PHYH: variants seen among roughly 807,000 people sequenced by gnomAD.
The protein encoded by PHYH is phytanoyl-CoA dioxygenase, peroxisomal.
PHYH carries 32 observed loss-of-function variants against 38.5 expected under a neutral mutation model. The observed-to-expected ratio is 0.83, with a 90% CI of 0.63 to 1.12. PHYH has a LOEUF of 1.12. Ranked by LOEUF, PHYH falls within the 50% of genes most tolerant of loss-of-function variation. The probability of loss-of-function intolerance (pLI) is 0.00; values close to 1 mark genes in which losing one functional copy is unlikely to be tolerated. For synonymous variants in PHYH, 166 were observed against 157.9 expected, an observed-to-expected ratio of 1.05 and a Z score of -0.38; for missense variants, 426 against 434.8, an observed-to-expected ratio of 0.98 and a Z score of 0.18.
At position 13,281,036 on chromosome 10, in the gene PHYH, C is replaced by T; in HGVS notation, c.903G>A (p.Glu301=). ...TATGTGCTATTCCTACAACTTCCTTCTCGATGTTTTCTTGACTGGTGCCCT... is the reference window on the plus strand; with the variant it reads ...TATGTGCTATTCCTACAACTTCCTTTTCGATGTTTTCTTGACTGGTGCCCT... ...DVKGTSQENI[E]KEVVGIAHKF... The change falls in exon 8 of 9, where the codon GAG becomes GAA. Residue 301 remains glutamate, a synonymous_variant. Coordinates refer to ENST00000263038, the MANE Select transcript of PHYH (RefSeq NM_006214.4). The T allele has an allele frequency of 6.2e-7, 1 of 1,614,082 alleles. No homozygotes were observed. The highest frequency in any genetic ancestry group is 1.3e-5 in the African/African-American group (1 of 75,066).
chr10:13,280,525 T>C (rs1190700579), intron 8 of PHYH, among the ~76,000 whole-genome samples: 1 of 152,150 alleles, frequency 6.6e-6, no homozygotes, highest in Non-Finnish European at 1.5e-5. Context: ...ATTTCTTTTT[T>C]AGTAGAGATG....
In PHYH at chr10:13,277,999, G is replaced by A. The variant is rs1835327714; in HGVS notation, c.*302C>T. ...AATCATTCACTTCTTCTTGGGTAAA[G>A]AGCTAACTGAATGAAAGAAATTGAT... is the stretch of plus-strand genomic sequence containing the variant. On this transcript the variant is annotated 3_prime_UTR_variant, in exon 9 of 9. Coordinates refer to ENST00000263038, the MANE Select transcript of PHYH (RefSeq NM_006214.4). 2.6e-6 allele frequency: 1 copy of A among 387,644 alleles called. No homozygotes were observed. The highest frequency in any genetic ancestry group is 4.9e-6 in the Non-Finnish European group (1 of 205,328). The allele number at this position is 387,644 out of a possible 1,614,324, so 24.0% of individuals were successfully genotyped here.
At chr10:13,278,494 T>G (rs1375421422) in intron 8 of PHYH, 140 bp from the exon 9 acceptor site, 5 of 698,362 alleles carry the variant, frequency 7.2e-6, no homozygotes, top group Non-Finnish European at 1.3e-5. Context: ...GTAAGTTATA[T>G]TCATTAGTAA....
chr10:13,280,987 C>T lies in PHYH; in HGVS notation c.952G>A (p.Val318Met), dbSNP rs148951882. The T allele has an allele frequency of 1.3e-5, 21 of 1,613,970 alleles. No individual in the cohort carries two copies. The highest frequency in any genetic ancestry group is 1.0e-4 in the Admixed American group (6 of 60,004). Reference sequence around the variant, plus strand: ...GTATACAAACATACCTTCAAGTTCACGCTATTTTCAGCTCCAAAGAATTTA... The same window carrying T: ...GTATACAAACATACCTTCAAGTTCATGCTATTTTCAGCTCCAAAGAATTTA... Reference protein sequence around the residue: ...AHKFFGAENSVNLKDIWMFRA... With the variant: ...AHKFFGAENSMNLKDIWMFRA... The change falls in exon 8 of 9, where the codon GTG becomes ATG. Residue 318 changes from valine to methionine, a missense_variant. Physicochemically the swap from Val to Met is conservative, Grantham distance 21 (BLOSUM62 1). Transcript: ENST00000263038.
intron 8 of PHYH, 141 bp from the exon 9 acceptor site, chr10:13,278,495 T>A: frequency 1.4e-6 from 1 of 695,626 alleles, no homozygotes; most frequent in Non-Finnish European, 2.6e-6. Context: ...TAAGTTATAT[T>A]CATTAGTAAA....
chr10:13,299,383 C>T (rs1282686850), intron 1 of PHYH: 4 of 979,368 alleles, frequency 4.1e-6, no homozygotes, highest in Non-Finnish European at 4.9e-6. Flanking sequence ...AGAGCCGAGA[C>T]AACAGGCAAG....
intron 8 of PHYH, among the ~76,000 whole-genome samples, chr10:13,280,157 C>T (rs772860801): frequency 3.3e-5 from 5 of 152,010 alleles, no homozygotes; most frequent in South Asian, 2.1e-4. Flanking sequence ...TTAGTAGAGA[C>T]GGGGTTTCAC....
At chr10:13,298,012 A>AT (rs1353231218) in intron 2 of PHYH, among the ~76,000 whole-genome samples, 175 bp downstream of exon 2, 1 of 152,084 alleles carries the variant, frequency 6.6e-6, no homozygotes, top group Non-Finnish European at 1.5e-5. Context: ...CATACAGAAA[A>AT]TTAGTCGGTC....
chr10:13,288,195 T>C lies in PHYH; in HGVS notation c.678+165A>G. Among the ~76,000 whole-genome samples the C allele has an allele frequency of 1.3e-5, 2 of 152,222 alleles. 1 individual carries two copies. Among genetic ancestry groups the C allele is most frequent in the Admixed American group, 1.3e-4 (2 of 15,280 alleles). On this transcript the variant is annotated intron_variant, in intron 6 of 8. Coordinates refer to ENST00000263038, the MANE Select transcript of PHYH (RefSeq NM_006214.4). ...TTGAAAATAGGTGTGATGAATGTTT[T>C]CTCTGACATCCTTGAACTTTCTCTG...
At chr10:13,287,633 G>C (rs1224466073) in intron 6 of PHYH, among the ~76,000 whole-genome samples, 2 of 151,932 alleles carry the variant, frequency 1.3e-5, no homozygotes, top group Non-Finnish European at 2.9e-5. Context: ...CTTCCCTATG[G>C]GACATTGTAC....
chr10:13,283,131 AT>A (rs398012850), intron 7 of PHYH, among the ~76,000 whole-genome samples: 8 of 117,886 alleles, frequency 6.8e-5, no homozygotes, highest in African/African-American at 1.4e-4. Flanking sequence ...TTCATAATCA[AT>A]TTTTTTTTTT....
Position 13,294,899 on chromosome 10 carries a change from A to G in PHYH, c.246-303T>C, listed in dbSNP as rs192840395. 613 of 415,326 alleles carry G rather than the reference A, an allele frequency of 1.5e-3. 2 individuals carry two copies. The highest frequency in any genetic ancestry group is 2.3e-3 in the Non-Finnish European group (519 of 222,402). The allele number at this position is 415,326 out of a possible 1,614,324, so 25.7% of individuals were successfully genotyped here. A position where few individuals can be genotyped will look rare whatever the true frequency, so the allele number is the denominator to read the frequency against. ...ACTTACCATGTGCCCAGCTCTCTTC[A>G]AAGTGGTTTCCATATATTTCACCGT... On this transcript the variant is annotated intron_variant, in intron 3 of 8. Coordinates refer to ENST00000263038, the MANE Select transcript of PHYH (RefSeq NM_006214.4).
At chr10:13,282,326 C>T (rs1835431453) in intron 7 of PHYH, among the ~76,000 whole-genome samples, 1 of 152,100 alleles carries the variant, frequency 6.6e-6, no homozygotes. Flanking sequence ...CGAGATGGCT[C>T]ACATCTGTCA....
chr10:13,288,068 T>C (rs967016498), intron 6 of PHYH, among the ~76,000 whole-genome samples: 1 of 152,192 alleles, frequency 6.6e-6, no homozygotes, highest in East Asian at 1.9e-4. Context: ...TAGTCCCAGC[T>C]ACTAGGGCGA....
chr10:13,280,902 G>A, intron 8 of PHYH, 74 bp downstream of exon 8: 2 of 1,363,122 alleles, frequency 1.5e-6, no homozygotes, highest in South Asian at 2.3e-5. Flanking sequence ...AAATAAACTA[G>A]GTATGAGAAT....
chr10:13,297,383 A>G (rs1032628091), intron 2 of PHYH, among the ~76,000 whole-genome samples: 17 of 152,196 alleles, frequency 1.1e-4, no homozygotes, highest in Non-Finnish European at 1.8e-4. Flanking sequence ...CTTCCCCTTT[A>G]AAGGTGATTT....
chr10:13,279,625 G>C (rs998547085), intron 8 of PHYH, among the ~76,000 whole-genome samples: 1 of 152,130 alleles, frequency 6.6e-6, no homozygotes, highest in African/African-American at 2.4e-5. Context: ...TTTTGGTGAA[G>C]AAAATAAGAA....
intron 1 of PHYH, 98 bp downstream of exon 1, chr10:13,299,870 G>A: frequency 7.3e-7 from 1 of 1,374,094 alleles, no homozygotes; most frequent in East Asian, 3.0e-5. Flanking sequence ...GGGCTGCGAA[G>A]CGTGCGACCC....
intron 7 of PHYH, among the ~76,000 whole-genome samples, chr10:13,282,614 A>AAG (rs1835439746): frequency 2.0e-5 from 3 of 149,672 alleles, no homozygotes; most frequent in East Asian, 3.9e-4. Context: ...AAAAGAAAAA[A>AAG]GGAAAATTGC....
Sources: allele counts gnomAD v4.1 joint callset (sites outside exome capture counted in the v4.1 genomes callset), GRCh38; gene constraint gnomAD v4.1.1; transcripts MANE v1.5; gene names NCBI Gene and HGNC (gene_info 2026-07-23, HGNC 2026-07-21).